Variants in AUTS2 observed in about 807,000 individuals in gnomAD.
AUTS2 encodes the protein autism susceptibility gene 2 protein.
Under a neutral mutation model 112.4 loss-of-function variants are expected in AUTS2, and 17 were observed. The observed-to-expected ratio is 0.15, with a 90% confidence interval of 0.10 to 0.23. The LOEUF (loss-of-function observed/expected upper bound fraction) is 0.23, where lower values mean the gene tolerates loss of function less well. Ranked by LOEUF, AUTS2 falls within the 10% of genes least tolerant of loss-of-function variation. AUTS2 has a pLI of 1.00. For synonymous variants in AUTS2, 751 were observed against 702.7 expected (o/e 1.07, Z -1.09); for missense variants, 1,510 against 1,701.6 (o/e 0.89, Z 1.98).
At chr7:69,733,527 T>C (rs1786891800) in intron 1 of AUTS2, among the ~76,000 whole-genome samples, 1 of 152,138 alleles carries the variant, frequency 6.6e-6, no homozygotes, top group Admixed American at 6.5e-5. Context: ...AAGGGAGTGT[T>C]CAAGGGCATA....
chr7:69,951,312 A>G (rs758579074), intron 2 of AUTS2, among the ~76,000 whole-genome samples: 2 of 151,826 alleles, frequency 1.3e-5, no homozygotes, highest in African/African-American at 2.4e-5. Context: ...TTTTGCTTCA[A>G]GAGTAGCATT....
chr7:70,399,023 G>A (rs1300236796), intron 4 of AUTS2, among the ~76,000 whole-genome samples: 4 of 138,318 alleles, frequency 2.9e-5, no homozygotes, highest in Non-Finnish European at 6.1e-5. Context: ...GTCTTGCTCT[G>A]CCACCCAGGC....
intron 4 of AUTS2, among the ~76,000 whole-genome samples, chr7:70,211,805 T>A (rs1192460354): frequency 6.6e-6 from 1 of 151,620 alleles, no homozygotes; most frequent in African/African-American, 2.4e-5. Flanking sequence ...GCTAACATGG[T>A]GAAATCCCGT....
At chr7:69,921,625 G>T (rs1468810475) in intron 2 of AUTS2, among the ~76,000 whole-genome samples, 1 of 151,492 alleles carries the variant, frequency 6.6e-6, no homozygotes, top group Non-Finnish European at 1.5e-5. Flanking sequence ...ACAAAAATTA[G>T]CCAGGCTTGG....
chr7:70,297,900 A>C (rs1789019437), intron 4 of AUTS2, among the ~76,000 whole-genome samples: 1 of 152,212 alleles, frequency 6.6e-6, no homozygotes, highest in Non-Finnish European at 1.5e-5. Context: ...GATTGAAGTG[A>C]AATGTCTCCA....
rs183400822 is a variant in AUTS2, at chr7:70,773,248, G to C, written c.1831-780G>C. Among the ~76,000 whole-genome samples, 535 of 152,236 alleles carry C rather than the reference G, an allele frequency of 3.5e-3. 20 individuals carry two copies. Among genetic ancestry groups the C allele is most frequent in the Admixed American group, 0.03 (462 of 15,286 alleles). Reference sequence around the variant, plus strand: ...CCCCACGAGTTTAACTTCCTGGTGTGGGGGGTGTTCATAGAAGTTGTGATT... The same window carrying C: ...CCCCACGAGTTTAACTTCCTGGTGTCGGGGGTGTTCATAGAAGTTGTGATT... On this transcript the variant is annotated intron_variant, in intron 11 of 18. Transcript: ENST00000342771.
chr7:69,985,940 T>C (rs1167398086), intron 2 of AUTS2, among the ~76,000 whole-genome samples: 1 of 152,072 alleles, frequency 6.6e-6, no homozygotes, highest in East Asian at 1.9e-4. Flanking sequence ...AAAAAGTTTT[T>C]TTTGTAGAGT....
rs148419798 is a variant in AUTS2, at chr7:70,022,153, A to G, written c.523-95979A>G. 3.9e-4 allele frequency among the ~76,000 whole-genome samples: 59 copies of G among 150,442 alleles called. 1 individual carries two copies. The East Asian group carries it at 0.011, about 28-fold the overall frequency. On this transcript the variant is annotated intron_variant, in intron 2 of 18. Transcript: ENST00000342771. ...CCAGTCTGTCATAATTGGCAAAAAC[A>G]TCAGAGAAAGGAGAGAGTTGTTAGT...
At chr7:70,244,868 C>A (rs1812812208) in intron 4 of AUTS2, among the ~76,000 whole-genome samples, 1 of 151,902 alleles carries the variant, frequency 6.6e-6, no homozygotes, top group African/African-American at 2.4e-5. Flanking sequence ...ACCTATAATC[C>A]CAGCACTTTG....
chr7:70,638,231 C>T (rs561245511), intron 5 of AUTS2, among the ~76,000 whole-genome samples: 1 of 152,262 alleles, frequency 6.6e-6, no homozygotes, highest in Admixed American at 6.5e-5. Context: ...CCCCCGAATC[C>T]TGTCCAAACC....
intron 4 of AUTS2, among the ~76,000 whole-genome samples, chr7:70,307,841 A>G (rs1411242453): frequency 6.6e-6 from 1 of 152,028 alleles, no homozygotes; most frequent in African/African-American, 2.4e-5. Context: ...GCTTTGAAAC[A>G]TTTTGAGGGG....
intron 1 of AUTS2, among the ~76,000 whole-genome samples, chr7:69,681,437 G>C (rs928393902): frequency 2.0e-5 from 3 of 152,148 alleles, no homozygotes; most frequent in Admixed American, 6.5e-5. Context: ...GCTACATACA[G>C]AACAGGGCAG....
chr7:70,741,462 C>A (rs1788103170), intron 6 of AUTS2, among the ~76,000 whole-genome samples: 1 of 152,004 alleles, frequency 6.6e-6, no homozygotes, highest in South Asian at 2.1e-4. Flanking sequence ...GAGGCTGAGG[C>A]AGGCGGATCA....
intron 1 of AUTS2, among the ~76,000 whole-genome samples, chr7:69,636,293 C>T (rs886100865): frequency 1.1e-4 from 16 of 152,144 alleles, no homozygotes; most frequent in African/African-American, 3.4e-4. Context: ...TGCAGTAGAG[C>T]AATCTCGGCT....
At chr7:69,900,674 A>C (rs1404253880) in intron 2 of AUTS2, among the ~76,000 whole-genome samples, 18 of 152,228 alleles carry the variant, frequency 1.2e-4, no homozygotes, top group Admixed American at 1.2e-3. Context: ...AATATGATGT[A>C]GTGGGCAGTT....
chr7:70,098,371 C>A (rs780861219), intron 2 of AUTS2, among the ~76,000 whole-genome samples: 1 of 152,152 alleles, frequency 6.6e-6, no homozygotes, highest in Non-Finnish European at 1.5e-5. Context: ...TTTATAAGTG[C>A]TTTTAGGTAA....
intron 5 of AUTS2, among the ~76,000 whole-genome samples, chr7:70,446,083 T>C (rs1796306859): frequency 6.6e-6 from 1 of 152,074 alleles, no homozygotes; most frequent in African/African-American, 2.4e-5. Context: ...CCCTCTAAGG[T>C]AGTTTTGTTC....
At chr7:70,363,360 C>G (rs1377627199) in intron 4 of AUTS2, among the ~76,000 whole-genome samples, 1 of 140,750 alleles carries the variant, frequency 7.1e-6, no homozygotes, top group Non-Finnish European at 1.5e-5. Context: ...TGCTAGATGA[C>G]ACATTGGTGG....
chr7:69,991,022 G>C (rs1159591284), intron 2 of AUTS2, among the ~76,000 whole-genome samples: 1 of 152,134 alleles, frequency 6.6e-6, no homozygotes, highest in Non-Finnish European at 1.5e-5. Flanking sequence ...TTTTAAGAAG[G>C]CTATGGGGTC....
Sources: gnomAD v4.1 joint callset for allele counts (sites outside exome capture counted in the v4.1 genomes callset) on GRCh38, gnomAD v4.1.1 for gene constraint, MANE v1.5 for transcripts, NCBI Gene and HGNC (gene_info 2026-07-23, HGNC 2026-07-21) for gene names.